HRH1: variants seen among roughly 807,000 people sequenced by gnomAD.
HRH1 encodes the protein histamine H1 receptor.
HRH1 carries 6 observed loss-of-function variants against 10.3 expected under a neutral mutation model. The observed-to-expected ratio is 0.58, with a 90% CI of 0.32 to 1.15. The LOEUF is 1.15. HRH1 is among the 50% of genes most tolerant of loss of function. The probability of loss-of-function intolerance (pLI) is 0.05; values close to 1 mark genes in which losing one functional copy is unlikely to be tolerated. For missense variants in HRH1, 514 were observed against 615.3 expected, an observed-to-expected ratio of 0.84 and a Z score of 1.74; for synonymous variants, 242 against 236.7, an observed-to-expected ratio of 1.02 and a Z score of -0.21.
chr3:11,188,599 A>G (rs1391968038), intron 1 of HRH1, among the ~76,000 whole-genome samples: 1 of 152,210 alleles, frequency 6.6e-6, no homozygotes, highest in African/African-American at 2.4e-5. Flanking sequence ...AGATTTATAT[A>G]TAAGGACGTG....
chr3:11,231,748 G>T (rs1478599563), intron 1 of HRH1, among the ~76,000 whole-genome samples: 3 of 152,134 alleles, frequency 2.0e-5, no homozygotes, highest in Non-Finnish European at 2.9e-5. Context: ...TCCTTTCTTA[G>T]ATATGTGGCT....
chr3:11,190,365 A>AT (rs1203867752), intron 1 of HRH1, among the ~76,000 whole-genome samples: 52 of 132,978 alleles, frequency 3.9e-4, no homozygotes, highest in South Asian at 7.2e-4. Flanking sequence ...ATATATATAT[A>AT]TTTTTTAATT....
chr3:11,238,349 C>T (rs1939242898), intron 1 of HRH1, among the ~76,000 whole-genome samples: 1 of 152,174 alleles, frequency 6.6e-6, no homozygotes, highest in Non-Finnish European at 1.5e-5. Context: ...TCTATTTTAT[C>T]TAAATCTTGG....
At chr3:11,143,940 T>C (rs781177934) in intron 1 of HRH1, among the ~76,000 whole-genome samples, 16 of 151,982 alleles carry the variant, frequency 1.1e-4, no homozygotes, top group Non-Finnish European at 2.1e-4. Context: ...GCCAAAAAAA[T>C]ATAAAAAAAT....
intron 1 of HRH1, among the ~76,000 whole-genome samples, chr3:11,185,407 AC>A (rs1937436516): frequency 6.6e-6 from 1 of 152,148 alleles, no homozygotes; most frequent in Admixed American, 6.5e-5. Flanking sequence ...CACTTTGTCT[AC>A]CCATTAAATG....
At chr3:11,196,634 C>T (rs531685332) in intron 1 of HRH1, among the ~76,000 whole-genome samples, 3 of 152,244 alleles carry the variant, frequency 2.0e-5, no homozygotes, top group South Asian at 2.1e-4. Flanking sequence ...TTAATGCTTG[C>T]GCCCTTTGTT....
intron 1 of HRH1, among the ~76,000 whole-genome samples, chr3:11,235,485 T>C (rs1939156184): frequency 6.6e-6 from 1 of 152,152 alleles, no homozygotes; most frequent in South Asian, 2.1e-4. Context: ...TCCTCACTGT[T>C]GCTGAGCAGA....
chr3:11,216,297 G>A (rs990987105), intron 1 of HRH1, among the ~76,000 whole-genome samples: 2 of 152,084 alleles, frequency 1.3e-5, no homozygotes, highest in East Asian at 1.9e-4. Context: ...TTGAAAGCAG[G>A]GTCTTGAAGA....
Position 11,234,306 on chromosome 3 carries a change from C to G in HRH1, c.-35-24697C>G, listed in dbSNP as rs1327175068. On this transcript the variant is annotated intron_variant, in intron 1 of 1. Transcript: ENST00000431010. ...GCAGTGGCCTCAGTGGGAGCTGTTTCTTCTGCTTGTTCTGCTGGCTTCTTC... is the reference window on the plus strand; with the variant it reads ...GCAGTGGCCTCAGTGGGAGCTGTTTGTTCTGCTTGTTCTGCTGGCTTCTTC... 1.4e-5 allele frequency: 22 copies of G among 1,576,612 alleles called. No individual in the cohort carries two copies. In the East Asian group the frequency reaches 1.6e-4, roughly 11 times the overall value.
At chr3:11,186,256 C>T (rs73117693) in intron 1 of HRH1, among the ~76,000 whole-genome samples, 2,286 of 152,290 alleles carry the variant, frequency 0.015, 59 homozygotes, top group African/African-American at 0.053. Context: ...TATTGAGCAG[C>T]TGTCATAAAG....
upstream of HRH1, among the ~76,000 whole-genome samples, chr3:11,153,944 A>G (rs918385277): frequency 6.6e-6 from 1 of 152,046 alleles, no homozygotes; most frequent in East Asian, 1.9e-4. Context: ...CCTACTGTCA[A>G]TCTTGTTCCA....
intron 1 of HRH1, among the ~76,000 whole-genome samples, chr3:11,181,255 G>T (rs1937346721): frequency 6.6e-6 from 1 of 152,106 alleles, no homozygotes; most frequent in Non-Finnish European, 1.5e-5. Context: ...CTGCACTCCA[G>T]CCTGGGTGAC....
In HRH1 at chr3:11,233,328, GA is replaced by G. The variant is rs140704591; in HGVS notation, c.-35-25673del. Among the ~76,000 whole-genome samples the G allele has an allele frequency of 4.5e-3, 682 of 152,150 alleles. 4 individuals are homozygous for G. Among genetic ancestry groups the G allele is most frequent in the African/African-American group, 0.015 (642 of 41,508 alleles). On this transcript the variant is annotated intron_variant, in intron 1 of 1. Coordinates refer to ENST00000431010, the MANE Select transcript of HRH1 (RefSeq NM_001098212.2). The stretch of plus-strand genomic sequence containing the variant: ...TTTTCTCTCTGATGTTCAGATTTGG[GA>G]ATTTCTATTGTTTTATCTTCCAGTT...
chr3:11,155,841 A>G (rs776008808), intron 1 of HRH1, among the ~76,000 whole-genome samples: 1 of 152,202 alleles, frequency 6.6e-6, no homozygotes, highest in Non-Finnish European at 1.5e-5. Context: ...GGGAGGGTGT[A>G]CACATGAGAG....
chr3:11,143,691 T>G (rs1936340981), intron 1 of HRH1, among the ~76,000 whole-genome samples: 1 of 152,164 alleles, frequency 6.6e-6, no homozygotes, highest in Non-Finnish European at 1.5e-5. Context: ...CCCCTGCAGA[T>G]GAGTCTGCCT....
At chr3:11,182,131 T>C (rs1937367616) in intron 1 of HRH1, among the ~76,000 whole-genome samples, 3 of 151,982 alleles carry the variant, frequency 2.0e-5, no homozygotes, top group South Asian at 2.1e-4. Flanking sequence ...TACAGGTGCC[T>C]GCCACCGCAC....
intron 1 of HRH1, among the ~76,000 whole-genome samples, chr3:11,157,613 G>A (rs1024289343): frequency 5.9e-5 from 9 of 152,136 alleles, no homozygotes; most frequent in African/African-American, 1.9e-4. Flanking sequence ...TGCTGTCGGA[G>A]GGGGGGCCAG....
chr3:11,213,030 G>T (rs563945364), intron 1 of HRH1, among the ~76,000 whole-genome samples: 10 of 152,166 alleles, frequency 6.6e-5, no homozygotes, highest in African/African-American at 2.4e-4. Flanking sequence ...CTCAAATGTT[G>T]CCAGATCACC....
intron 1 of HRH1, among the ~76,000 whole-genome samples, chr3:11,206,576 G>C (rs1044669264): frequency 6.6e-6 from 1 of 152,272 alleles, no homozygotes; most frequent in African/African-American, 2.4e-5. Context: ...TTTGTGGACT[G>C]TTCACTGTGC....
Sources: allele counts gnomAD v4.1 joint callset (sites outside exome capture counted in the v4.1 genomes callset), GRCh38; gene constraint gnomAD v4.1.1; transcripts MANE v1.5; gene names NCBI Gene and HGNC (gene_info 2026-07-23, HGNC 2026-07-21).